Variants in AFF1 observed in about 807,000 individuals in gnomAD.
AFF1 encodes the protein AF4/FMR2 family member 1.
A neutral mutation model predicts 121.7 loss-of-function variants in AFF1; 48 were observed. The ratio of observed to expected loss-of-function variants is 0.39; its 90% CI spans 0.31 to 0.50. The LOEUF (loss-of-function observed/expected upper bound fraction) is 0.50, where lower values mean the gene tolerates loss of function less well. Among genes scored for constraint, AFF1 ranks in the 20% least tolerant of loss-of-function variants. The pLI is 0.76. For missense variants in AFF1, 1,523 were observed against 1,511.7 expected, an observed-to-expected ratio of 1.01 and a Z score of -0.12; for synonymous variants, 613 against 563.0, an observed-to-expected ratio of 1.09 and a Z score of -1.26.
intron 2 of AFF1, among the ~76,000 whole-genome samples, chr4:87,015,591 A>G (rs1727213029): frequency 6.6e-6 from 1 of 152,192 alleles, no homozygotes; most frequent in African/African-American, 2.4e-5. Context: ...TGAATTTGAT[A>G]ATTCTGTCAC....
chr4:86,976,034 G>A (rs1723279681), intron 2 of AFF1, among the ~76,000 whole-genome samples: 1 of 152,158 alleles, frequency 6.6e-6, no homozygotes, highest in South Asian at 2.1e-4. Context: ...ACGAGAAGAA[G>A]TGTAAATGTA....
At chr4:86,960,283 G>A (rs1315966750) in intron 2 of AFF1, among the ~76,000 whole-genome samples, 3 of 152,092 alleles carry the variant, frequency 2.0e-5, no homozygotes, top group African/African-American at 4.8e-5. Context: ...GCTGTGCCTA[G>A]GACGGCCCAG....
intron 2 of AFF1, among the ~76,000 whole-genome samples, chr4:86,980,257 G>A (rs900476699): frequency 6.6e-6 from 1 of 152,136 alleles, no homozygotes; most frequent in African/African-American, 2.4e-5. Flanking sequence ...TGAAAAAAAT[G>A]TCCAGAAGTC....
chr4:86,998,201 C>T (rs898699609), intron 2 of AFF1, among the ~76,000 whole-genome samples: 1 of 150,798 alleles, frequency 6.6e-6, no homozygotes, highest in African/African-American at 2.4e-5. Flanking sequence ...TCTATTTTAG[C>T]TTCATGAGAG....
intron 5 of AFF1, among the ~76,000 whole-genome samples, chr4:87,086,196 T>A (rs777274543): frequency 6.6e-6 from 1 of 152,222 alleles, no homozygotes; most frequent in Non-Finnish European, 1.5e-5. Context: ...GGAATTTAAT[T>A]ATATACTGTG....
chr4:86,985,723 CAGT>C (rs769064956), intron 2 of AFF1, among the ~76,000 whole-genome samples: 6 of 151,628 alleles, frequency 4.0e-5, no homozygotes, highest in Non-Finnish European at 7.4e-5. Context: ...TAGCAAAATC[CAGT>C]AGTTACTTTT....
At chr4:87,092,924 T>G (rs1306994011) in intron 7 of AFF1, among the ~76,000 whole-genome samples, 1 of 152,120 alleles carries the variant, frequency 6.6e-6, no homozygotes, top group Non-Finnish European at 1.5e-5. Context: ...GAACACCAGC[T>G]CAGCCGTGGG....
chr4:87,038,105 G>A (rs11945169), intron 2 of AFF1, among the ~76,000 whole-genome samples: 6,417 of 152,246 alleles, frequency 0.042, 434 homozygotes, highest in African/African-American at 0.15. Flanking sequence ...ACATCGTGCT[G>A]TTTTGTCATT....
intron 2 of AFF1, 54 bp downstream of exon 2, chr4:86,948,625 A>G: frequency 1.3e-6 from 2 of 1,488,424 alleles, no homozygotes; most frequent in Non-Finnish European, 1.8e-6. Flanking sequence ...TTTATAATCT[A>G]CTTTTCAATG....
chr4:86,939,029 C>G (rs1051768075), intron 1 of AFF1, among the ~76,000 whole-genome samples: 2 of 152,212 alleles, frequency 1.3e-5, no homozygotes, highest in African/African-American at 4.8e-5. Context: ...AATATAGTAT[C>G]TCATATTCAT....
intron 2 of AFF1, among the ~76,000 whole-genome samples, chr4:87,035,559 C>A (rs1729481894): frequency 9.4e-6 from 1 of 106,316 alleles, no homozygotes; most frequent in Admixed American, 9.9e-5. Flanking sequence ...AGACTCCGTC[C>A]CAAGGAAAAA....
intron 11 of AFF1, among the ~76,000 whole-genome samples, chr4:87,108,986 T>C (rs1726201707): frequency 6.6e-6 from 1 of 152,210 alleles, no homozygotes; most frequent in African/African-American, 2.4e-5. Context: ...TTATGCTATT[T>C]ACTGGATTGT....
At chr4:86,949,988 A>C (rs1339081750) in intron 2 of AFF1, 3 of 1,614,008 alleles carry the variant, frequency 1.9e-6, no homozygotes, top group Non-Finnish European at 2.5e-6. Flanking sequence ...CTGGCAGATC[A>C]CAAAGATGGC....
At chr4:86,990,161 TAAATTATA>T (rs1400452081) in intron 2 of AFF1, among the ~76,000 whole-genome samples, 6 of 83,556 alleles carry the variant, frequency 7.2e-5, no homozygotes, top group Admixed American at 3.8e-4. Flanking sequence ...TTCCAGAACT[TAAATTATA>T]ATAATAATAA....
At chr4:86,978,721 C>A (rs1723501770) in intron 2 of AFF1, among the ~76,000 whole-genome samples, 1 of 152,158 alleles carries the variant, frequency 6.6e-6, no homozygotes, top group Non-Finnish European at 1.5e-5. Context: ...AGAAGACCTT[C>A]ATGAGCTCTT....
At chr4:87,090,268 T>C (rs1220225046) in intron 6 of AFF1, among the ~76,000 whole-genome samples, 198 bp downstream of exon 6, 1 of 152,238 alleles carries the variant, frequency 6.6e-6, no homozygotes, top group Non-Finnish European at 1.5e-5. Context: ...TAGATTTTCA[T>C]AAAGCTTTAT....
At chr4:86,998,856 C>T (rs1394176764) in intron 2 of AFF1, among the ~76,000 whole-genome samples, 2 of 152,084 alleles carry the variant, frequency 1.3e-5, no homozygotes, top group African/African-American at 4.8e-5. Context: ...CACTCCCATC[C>T]CTCTACTTTC....
chr4:87,108,635 G>T (rs2149752709), intron 11 of AFF1, among the ~76,000 whole-genome samples: 1 of 152,246 alleles, frequency 6.6e-6, no homozygotes, highest in East Asian at 1.9e-4. Context: ...CCTTCTTTTA[G>T]AAAGAAAACT....
chr4:86,996,283 G>T (rs1356478824), intron 2 of AFF1, among the ~76,000 whole-genome samples: 3 of 152,070 alleles, frequency 2.0e-5, no homozygotes, highest in Non-Finnish European at 2.9e-5. Context: ...GGAATAGAAA[G>T]GGGGGAAAGG....
Sources: allele counts gnomAD v4.1 joint callset (sites outside exome capture counted in the v4.1 genomes callset), GRCh38; gene constraint gnomAD v4.1.1; transcripts MANE v1.5; gene names NCBI Gene and HGNC (gene_info 2026-07-23, HGNC 2026-07-21).